The following ATRNL1 variants were observed in gnomAD, a reference collection of about 807,000 sequenced individuals.
The protein encoded by ATRNL1 is attractin like 1, also known as attractin-like protein 1.
In ATRNL1, 95 loss-of-function variants were observed where a neutral mutation model predicts 182.7. That is an observed-to-expected ratio of 0.52 (90% CI 0.44 to 0.62). The LOEUF (loss-of-function observed/expected upper bound fraction) is 0.62. Among genes scored for constraint, ATRNL1 ranks in the 20% least tolerant of loss-of-function variants. The probability of loss-of-function intolerance (pLI) is 0.00; values close to 1 mark genes in which losing one functional copy is unlikely to be tolerated. For missense variants in ATRNL1, 1,471 were observed against 1,679.5 expected, an observed-to-expected ratio of 0.88 and a Z score of 2.17; for synonymous variants, 576 against 568.3, an observed-to-expected ratio of 1.01 and a Z score of -0.19.
At chr10:115,932,507 C>A (rs1265583948) in intron 28 of ATRNL1, among the ~76,000 whole-genome samples, 1 of 152,182 alleles carries the variant, frequency 6.6e-6, no homozygotes, top group Non-Finnish European at 1.5e-5. Flanking sequence ...AGAAAAAAAT[C>A]ATGATTCTCT....
In ATRNL1 at chr10:115,266,964, A is replaced by G. The variant is rs1851633378; in HGVS notation, c.1940A>G (p.Asn647Ser). ...KNHCESWESG[N>S]TNNILRAKCP... ...CACTGTGAATCTTGGGAATCTGGGA[A>G]TACTAATAATATTCTTAGAGCAAAG... Residue 647 changes from asparagine to serine, a missense_variant, in exon 12 of 29, where the codon AAT becomes AGT. Physicochemically the swap from Asn to Ser is conservative, Grantham distance 46 (BLOSUM62 1). Transcript: ENST00000355044. The G allele has an allele frequency of 5.0e-6, 8 of 1,612,040 alleles. No individual in the cohort carries two copies. Among genetic ancestry groups the G allele is most frequent in the Non-Finnish European group, 6.8e-6 (8 of 1,178,794 alleles).
chr10:115,388,058 T>G (rs1293487453), intron 19 of ATRNL1, among the ~76,000 whole-genome samples: 1 of 152,208 alleles, frequency 6.6e-6, no homozygotes, highest in Admixed American at 6.5e-5. Flanking sequence ...TGTGAATGTT[T>G]TATGTGTAGT....
chr10:115,924,375 G>T (rs1180737175), intron 28 of ATRNL1, among the ~76,000 whole-genome samples: 1 of 151,974 alleles, frequency 6.6e-6, no homozygotes, highest in East Asian at 1.9e-4. Flanking sequence ...TTTTTTAATG[G>T]ATTGGGGTTT....
At chr10:115,743,184 A>G (rs1321198907) in intron 27 of ATRNL1, among the ~76,000 whole-genome samples, 2 of 147,704 alleles carry the variant, frequency 1.4e-5, no homozygotes, top group African/African-American at 5.0e-5. Flanking sequence ...ACAATTCAAG[A>G]TGAGATTTGG....
intron 27 of ATRNL1, among the ~76,000 whole-genome samples, chr10:115,808,622 G>A (rs1357537682): frequency 6.6e-6 from 1 of 152,078 alleles, no homozygotes; most frequent in Non-Finnish European, 1.5e-5. Context: ...TCAAAGGGGC[G>A]GCACCGCTAT....
intron 26 of ATRNL1, among the ~76,000 whole-genome samples, chr10:115,725,774 C>T (rs148898304): frequency 5.3e-4 from 81 of 152,200 alleles, no homozygotes; most frequent in Non-Finnish European, 1.1e-3. Context: ...TTGCATTTTG[C>T]ATAGACATAC....
chr10:115,813,947 GA>G (rs1336640873), intron 27 of ATRNL1, among the ~76,000 whole-genome samples: 1 of 152,184 alleles, frequency 6.6e-6, no homozygotes, highest in African/African-American at 2.4e-5. Flanking sequence ...ACTCTGAAAA[GA>G]AGAACTTTAT....
At chr10:115,367,508 TTC>T (rs1857115458) in intron 19 of ATRNL1, among the ~76,000 whole-genome samples, 1 of 151,798 alleles carries the variant, frequency 6.6e-6, no homozygotes, top group Admixed American at 6.6e-5. Flanking sequence ...TGAAGCCTTC[TTC>T]TCTCAGCTCG....
intron 9 of ATRNL1, among the ~76,000 whole-genome samples, chr10:115,226,011 G>A (rs1849679559): frequency 6.6e-6 from 1 of 151,480 alleles, no homozygotes; most frequent in South Asian, 2.1e-4. Flanking sequence ...AAAGCTGGAG[G>A]AGTTCTCTAT....
chr10:115,244,993 C>T (rs112465737), intron 10 of ATRNL1, among the ~76,000 whole-genome samples: 10 of 152,096 alleles, frequency 6.6e-5, no homozygotes, highest in South Asian at 2.1e-4. Flanking sequence ...TGAGATTTAA[C>T]GAATAATCGA....
chr10:115,752,613 T>G (rs115281329), intron 27 of ATRNL1, among the ~76,000 whole-genome samples: 1 of 152,030 alleles, frequency 6.6e-6, no homozygotes, highest in Non-Finnish European at 1.5e-5. Context: ...ATAGTCCCCC[T>G]AGATGAAGAC....
At chr10:115,334,576 T>TA (rs1855393286) in intron 19 of ATRNL1, among the ~76,000 whole-genome samples, 157 bp downstream of exon 19, 2 of 152,238 alleles carry the variant, frequency 1.3e-5, no homozygotes, top group Admixed American at 6.5e-5. Context: ...CTGTGAACTA[T>TA]AAAAATTCTG....
rs529128153 is a variant in ATRNL1 at position 115,862,015 on chromosome 10, C to T, written c.4018+14024C>T. Among the ~76,000 whole-genome samples the T allele has an allele frequency of 1.6e-3, 247 of 152,308 alleles. 11 individuals carry two copies. The South Asian group carries it at 0.049, about 30-fold the overall frequency. ...CAGTGCTTTAAGCAGGATCAGAGCC[C>T]TTACCACTTTTCTTGATGACCTGGG... On this transcript the variant is annotated intron_variant, in intron 28 of 28. Coordinates refer to ENST00000355044, the MANE Select transcript of ATRNL1 (RefSeq NM_207303.4).
chr10:115,528,484 T>C (rs898904926), intron 25 of ATRNL1, among the ~76,000 whole-genome samples: 1 of 152,084 alleles, frequency 6.6e-6, no homozygotes, highest in Non-Finnish European at 1.5e-5. Context: ...GACTTTTCAT[T>C]TCTAAATTTT....
chr10:115,468,417 A>C (rs1554971327), intron 23 of ATRNL1, among the ~76,000 whole-genome samples: 1 of 150,812 alleles, frequency 6.6e-6, no homozygotes, highest in East Asian at 1.9e-4. Context: ...GCATTTAATA[A>C]ATGTACACAA....
intron 18 of ATRNL1, among the ~76,000 whole-genome samples, chr10:115,316,063 G>A (rs533822034): frequency 1.1e-3 from 160 of 152,204 alleles, no homozygotes; most frequent in Non-Finnish European, 2.1e-3. Context: ...GTGCAACATG[G>A]TGGTTTGCTG....
intron 2 of ATRNL1, among the ~76,000 whole-genome samples, 200 bp downstream of exon 2, chr10:115,120,468 A>G (rs1380810297): frequency 1.3e-5 from 2 of 151,994 alleles, no homozygotes; most frequent in African/African-American, 4.8e-5. Context: ...ATTTTTATAT[A>G]TATTTTGTTT....
At chr10:115,236,765 T>G (rs1221300163) in intron 9 of ATRNL1, among the ~76,000 whole-genome samples, 1 of 152,190 alleles carries the variant, frequency 6.6e-6, no homozygotes, top group Non-Finnish European at 1.5e-5. Context: ...ATTAACTAAG[T>G]CCATAGTTTA....
In ATRNL1 at chr10:115,093,785, C is replaced by T; in HGVS notation, c.35C>T (p.Pro12Leu). ...ETGGRARTGT[P>L]QPAAPGVWRA... Reference sequence around the variant, plus strand: ...GGGGGCCGGGCCCGCACTGGTACCCCGCAGCCAGCGGCCCCGGGGGTGTGG... The same window carrying T: ...GGGGGCCGGGCCCGCACTGGTACCCTGCAGCCAGCGGCCCCGGGGGTGTGG... Residue 12 changes from proline (P) to leucine (L), a missense_variant, in exon 1 of 29, where the codon CCG (proline) becomes CTG (leucine). Pro to Leu is a moderately conservative substitution (Grantham distance 98, BLOSUM62 -3). Transcript: ENST00000355044. The surrounding 1 kb of genome is among the most constrained non-coding windows in gnomAD (Gnocchi z 6.1). The T allele has an allele frequency of 2.1e-6, 3 of 1,426,152 alleles. No homozygotes were observed. Among genetic ancestry groups the T allele is most frequent in the South Asian group, 3.0e-5 (2 of 66,474 alleles). 88.3% of individuals were successfully genotyped at this position (1,426,152 alleles called of 1,614,324 possible).
Sources: allele counts gnomAD v4.1 joint callset (sites outside exome capture counted in the v4.1 genomes callset), GRCh38; gene constraint gnomAD v4.1.1; non-coding constraint Gnocchi (gnomAD v3.1); transcripts MANE v1.5; gene names NCBI Gene and HGNC (gene_info 2026-07-23, HGNC 2026-07-21).